Variants in PALM2AKAP2 observed in about 807,000 individuals in gnomAD.
PALM2AKAP2 encodes the protein PALM2-AKAP2 fusion protein.
A neutral mutation model predicts 71.5 loss-of-function variants in PALM2AKAP2; 37 were observed. That is an observed-to-expected ratio of 0.52 (90% CI 0.40 to 0.68). The LOEUF (loss-of-function observed/expected upper bound fraction) is 0.68, where lower values mean the gene tolerates loss of function less well. Ranked by LOEUF, PALM2AKAP2 falls within the 30% of genes least tolerant of loss-of-function variation. The pLI is 0.00. For missense variants in PALM2AKAP2, 1,224 were observed against 1,191.8 expected, an observed-to-expected ratio of 1.03 and a Z score of -0.40; for synonymous variants, 468 against 478.8, an observed-to-expected ratio of 0.98 and a Z score of 0.29.
At chr9:109,856,569 A>C (rs1202497354) in intron 1 of PALM2AKAP2, among the ~76,000 whole-genome samples, 1 of 152,218 alleles carries the variant, frequency 6.6e-6, no homozygotes, top group Non-Finnish European at 1.5e-5. Flanking sequence ...GGTAGGGATG[A>C]GGTGAAGAGA....
chr9:110,114,402 C>T (rs942450512), intron 1 of PALM2AKAP2, among the ~76,000 whole-genome samples: 1 of 152,108 alleles, frequency 6.6e-6, no homozygotes, highest in Non-Finnish European at 1.5e-5. Flanking sequence ...AAATTATATC[C>T]GCAAAGATCC....
chr9:109,989,148 A>G (rs1483911668), intron 6 of PALM2AKAP2, among the ~76,000 whole-genome samples: 3 of 152,224 alleles, frequency 2.0e-5, no homozygotes, highest in Admixed American at 6.5e-5. Flanking sequence ...CAAAAATTCT[A>G]GATACTTTGG....
exon 2 of PALM2AKAP2, chr9:110,136,988 G>C (rs765456063): frequency 6.2e-7 from 1 of 1,614,084 alleles, no homozygotes; most frequent in Admixed American, 1.7e-5. Context: ...AAAAACCATC[G>C]AGGAGCAGCT....
chr9:109,788,699 T>A lies in PALM2AKAP2; in HGVS notation c.45+8166T>A, dbSNP rs147877015. The stretch of plus-strand genomic sequence containing the variant: ...GATATGCCCAGGAGTTTGTGTGGTG[T>A]GTATATTCTGAAGAGGTGAAATAGA... On this transcript the variant is annotated intron_variant, in intron 1 of 9. Transcript: ENST00000302798. Among the ~76,000 whole-genome samples, 673 of 152,312 alleles carry A rather than the reference T, an allele frequency of 4.4e-3. 6 individuals carry two copies. The highest frequency in any genetic ancestry group is 0.015 in the African/African-American group (636 of 41,568).
chr9:109,924,113 T>C (rs764742777), intron 4 of PALM2AKAP2, among the ~76,000 whole-genome samples: 28 of 152,238 alleles, frequency 1.8e-4, no homozygotes, highest in Non-Finnish European at 3.4e-4. Context: ...TCCGGATCCC[T>C]GATATGCCTT....
intron 6 of PALM2AKAP2, among the ~76,000 whole-genome samples, chr9:109,993,876 A>C (rs1832526876): frequency 1.4e-5 from 2 of 142,520 alleles, no homozygotes; most frequent in African/African-American, 5.3e-5. Context: ...ATCTCTCTTC[A>C]TCTCTCCCTG....
At chr9:109,676,968 A>G (rs1827656249) in intron 1 of PALM2AKAP2, among the ~76,000 whole-genome samples, 1 of 152,108 alleles carries the variant, frequency 6.6e-6, no homozygotes, top group Non-Finnish European at 1.5e-5. Flanking sequence ...ATTTCAGAGG[A>G]ATGGTGGAGG....
chr9:109,964,687 C>T (rs542026357), intron 6 of PALM2AKAP2, among the ~76,000 whole-genome samples: 2 of 152,264 alleles, frequency 1.3e-5, no homozygotes, highest in South Asian at 4.1e-4. Flanking sequence ...TATACCTCAG[C>T]TGGGAACTTG....
intron 3 of PALM2AKAP2, among the ~76,000 whole-genome samples, chr9:109,916,537 G>C (rs1159857110): frequency 6.6e-6 from 1 of 152,244 alleles, no homozygotes; most frequent in Non-Finnish European, 1.5e-5. Flanking sequence ...ACATGCTCCT[G>C]AGTGACAGGA....
chr9:109,914,007 C>T lies in PALM2AKAP2; in HGVS notation c.258-9728C>T, dbSNP rs112516077. On this transcript the variant is annotated intron_variant, in intron 3 of 9. Coordinates refer to the PALM2AKAP2 transcript ENST00000302798. ...TCCTGACCTCGTGATCCACCCACCT[C>T]GGCCTCCCAAAATGCTGGGATTACA... Among the ~76,000 whole-genome samples, 831 of 152,232 alleles carry T rather than the reference C, an allele frequency of 5.5e-3. 7 individuals are homozygous for T. Among genetic ancestry groups the T allele is most frequent in the Middle Eastern group, 0.031 (9 of 294 alleles).
At chr9:109,706,554 A>G (rs1328660455) in intron 1 of PALM2AKAP2, among the ~76,000 whole-genome samples, 1 of 152,216 alleles carries the variant, frequency 6.6e-6, no homozygotes, top group Non-Finnish European at 1.5e-5. Flanking sequence ...TCTACTACCT[A>G]GATATATTTC....
chr9:109,659,485 G>T (rs1827357455), intron 1 of PALM2AKAP2, among the ~76,000 whole-genome samples: 1 of 141,650 alleles, frequency 7.1e-6, no homozygotes, highest in African/African-American at 2.7e-5. Context: ...TTTAAATTCT[G>T]GACATTTCGT....
At chr9:110,137,097 A>C in exon 2 of PALM2AKAP2, 3 of 1,613,062 alleles carry the variant, frequency 1.9e-6, no homozygotes. Context: ...TTACAGCAGC[A>C]GCAGCAGCAG....
rs181697475 is a variant in PALM2AKAP2 at position 109,959,489 on chromosome 9, A to G, written c.496+27461A>G. Among the ~76,000 whole-genome samples the G allele has an allele frequency of 1.3e-3, 195 of 151,950 alleles. 2 individuals are homozygous for G. The highest frequency in any genetic ancestry group is 4.5e-3 in the African/African-American group (186 of 41,456). ...GAAACCCCGTCTCTACTAAAAATAC[A>G]AAAAAACTAGCCAGGCATGGTGGCG... On this transcript the variant is annotated intron_variant, in intron 6 of 9. Coordinates refer to the PALM2AKAP2 transcript ENST00000302798.
At chr9:109,930,514 CCGCG>C in intron 5 of PALM2AKAP2, among the ~76,000 whole-genome samples, 1 of 152,352 alleles carries the variant, frequency 6.6e-6, no homozygotes, top group Middle Eastern at 3.4e-3. Flanking sequence ...GCATGAGCCA[CCGCG>C]CCCGGCGAAA....
At chr9:109,912,569 T>A (rs1386029314) in intron 3 of PALM2AKAP2, among the ~76,000 whole-genome samples, 12 of 152,242 alleles carry the variant, frequency 7.9e-5, no homozygotes, top group Non-Finnish European at 2.9e-5. Flanking sequence ...GCTGTCTTCC[T>A]GAAATGTGGA....
At chr9:110,168,819 CTGAGA>C in exon 4 of PALM2AKAP2, 1 of 255,550 alleles carries the variant, frequency 3.9e-6, no homozygotes, top group Non-Finnish European at 7.6e-6. Context: ...GCAGGCGGAA[CTGAGA>C]CCAGCCTCTC....
chr9:109,990,612 A>G (rs1462031582), intron 6 of PALM2AKAP2, among the ~76,000 whole-genome samples: 3 of 152,202 alleles, frequency 2.0e-5, no homozygotes, highest in African/African-American at 7.2e-5. Context: ...TACCTTTAAA[A>G]TGGCTCAAAA....
At chr9:109,754,518 C>T (rs564833782) in intron 1 of PALM2AKAP2, among the ~76,000 whole-genome samples, 31 of 152,242 alleles carry the variant, frequency 2.0e-4, no homozygotes, top group African/African-American at 7.2e-4. Flanking sequence ...ATTTATCTTG[C>T]ATTTTGTCAT....
Sources: allele counts gnomAD v4.1 joint callset (sites outside exome capture counted in the v4.1 genomes callset), GRCh38; gene constraint gnomAD v4.1.1; transcripts MANE v1.5; gene names NCBI Gene and HGNC (gene_info 2026-07-23, HGNC 2026-07-21).